Variants in MRPL1 observed in about 807,000 individuals in gnomAD.
MRPL1 encodes the protein large ribosomal subunit protein uL1m.
A neutral mutation model predicts 38.0 loss-of-function variants in MRPL1; 28 were observed. That is an observed-to-expected ratio of 0.74 (90% CI 0.55 to 1.01). The LOEUF is 1.01. Among genes scored for constraint, MRPL1 ranks in the 50% least tolerant of loss-of-function variants. The probability of loss-of-function intolerance (pLI) is 0.00; values close to 1 mark genes in which losing one functional copy is unlikely to be tolerated. For missense variants in MRPL1, 358 were observed against 389.8 expected (o/e 0.92, Z 0.69); for synonymous variants, 123 against 126.7 (o/e 0.97, Z 0.20).
chr4:77,872,616 G>T (rs1280806996), intron 2 of MRPL1, among the ~76,000 whole-genome samples: 1 of 152,158 alleles, frequency 6.6e-6, no homozygotes, highest in Non-Finnish European at 1.5e-5. Flanking sequence ...TGTGATCCCG[G>T]CACTTTGGGA....
intron 7 of MRPL1, among the ~76,000 whole-genome samples, chr4:77,936,274 T>G (rs1171283427): frequency 1.3e-5 from 2 of 152,120 alleles, no homozygotes; most frequent in African/African-American, 4.8e-5. Flanking sequence ...TGCAAAGTAT[T>G]TTAATAGCTG....
At chr4:77,947,870 A>G (rs1465221106) in intron 7 of MRPL1, among the ~76,000 whole-genome samples, 2 of 152,242 alleles carry the variant, frequency 1.3e-5, no homozygotes, top group Non-Finnish European at 2.9e-5. Context: ...AGGGCACAGT[A>G]CTATATATTA....
chr4:77,938,159 A>AT (rs772673374), intron 7 of MRPL1, among the ~76,000 whole-genome samples: 15 of 152,246 alleles, frequency 9.9e-5, no homozygotes, highest in Non-Finnish European at 1.9e-4. Context: ...TTGTTAGAAT[A>AT]TAACTGTGCT....
At chr4:77,869,425 A>G (rs896446164) in intron 1 of MRPL1, among the ~76,000 whole-genome samples, 1 of 152,244 alleles carries the variant, frequency 6.6e-6, no homozygotes, top group African/African-American at 2.4e-5. Context: ...AATTGACTAC[A>G]AAAGGATTGA....
chr4:77,862,892 G>A lies in MRPL1; in HGVS notation c.31+13G>A, dbSNP rs771767532. ...TGCATGGGTAGAGGTAAGGCGAGGGGTTGTCTTGCAGGGGAAATGGCTCTG... is the reference window on the plus strand; with the variant it reads ...TGCATGGGTAGAGGTAAGGCGAGGGATTGTCTTGCAGGGGAAATGGCTCTG... On this transcript the variant is annotated intron_variant, in intron 1 of 8. Coordinates refer to ENST00000315567, the MANE Select transcript of MRPL1 (RefSeq NM_020236.4). 1 of 1,614,146 alleles carries A rather than the reference G, an allele frequency of 6.2e-7. No homozygotes were observed. Among genetic ancestry groups the A allele is most frequent in the Non-Finnish European group, 8.5e-7 (1 of 1,180,002 alleles).
chr4:77,940,979 G>A (rs1370882321), intron 7 of MRPL1, among the ~76,000 whole-genome samples: 5 of 152,068 alleles, frequency 3.3e-5, no homozygotes, highest in African/African-American at 1.2e-4. Flanking sequence ...CTATAGGCTG[G>A]GTGCAGTGGC....
At chr4:77,897,498 G>A (rs865916025) in intron 6 of MRPL1, among the ~76,000 whole-genome samples, 3 of 152,136 alleles carry the variant, frequency 2.0e-5, no homozygotes, top group South Asian at 4.1e-4. Context: ...GGTAAGAAAG[G>A]GACATGATTA....
At chr4:77,911,965 A>G (rs577416928) in intron 7 of MRPL1, among the ~76,000 whole-genome samples, 3 of 152,356 alleles carry the variant, frequency 2.0e-5, no homozygotes, top group South Asian at 2.1e-4. Flanking sequence ...ACAGTTCACC[A>G]TATTAAGAAA....
At chr4:77,881,083 G>A (rs899176263) in intron 2 of MRPL1, among the ~76,000 whole-genome samples, 1 of 152,234 alleles carries the variant, frequency 6.6e-6, no homozygotes, top group African/African-American at 2.4e-5. Flanking sequence ...CCTAAGCATA[G>A]AGCAGGGAAA....
chr4:77,896,316 G>T (rs1158247663), intron 6 of MRPL1, among the ~76,000 whole-genome samples: 1 of 151,692 alleles, frequency 6.6e-6, no homozygotes, highest in Non-Finnish European at 1.5e-5. Flanking sequence ...ATAATGAATT[G>T]CAACTTCACA....
At chr4:77,913,557 G>T (rs959888425) in intron 7 of MRPL1, among the ~76,000 whole-genome samples, 1 of 152,196 alleles carries the variant, frequency 6.6e-6, no homozygotes, top group African/African-American at 2.4e-5. Flanking sequence ...TATGTTAAAT[G>T]ATGCAACCTC....
intron 7 of MRPL1, among the ~76,000 whole-genome samples, chr4:77,913,164 T>C (rs1335604441): frequency 6.6e-6 from 1 of 151,952 alleles, no homozygotes; most frequent in East Asian, 1.9e-4. Flanking sequence ...AAAGAAGAAA[T>C]TGATAAATCA....
chr4:77,894,015 GAAGAA>G (rs762184987), intron 5 of MRPL1, 119 bp from the exon 6 acceptor site: 14 of 630,028 alleles, frequency 2.2e-5, no homozygotes, highest in Non-Finnish European at 3.6e-5. Flanking sequence ...CTTTGTGTTT[GAAGAA>G]AAGAATTGTG....
At chr4:77,870,194 T>C (rs555705287) in intron 1 of MRPL1, among the ~76,000 whole-genome samples, 1 of 152,312 alleles carries the variant, frequency 6.6e-6, no homozygotes, top group South Asian at 2.1e-4. Flanking sequence ...GTGACTGGCC[T>C]TGATTTTTTA....
chr4:77,879,768 G>A (rs1458191251), intron 2 of MRPL1, among the ~76,000 whole-genome samples: 1 of 152,208 alleles, frequency 6.6e-6, no homozygotes, highest in Non-Finnish European at 1.5e-5. Context: ...ATTTTGTGGA[G>A]TACTTCCACG....
chr4:77,937,431 C>A (rs2110262947), intron 7 of MRPL1, among the ~76,000 whole-genome samples: 1 of 152,320 alleles, frequency 6.6e-6, no homozygotes, highest in Admixed American at 6.5e-5. Context: ...CCCCCAGTGC[C>A]TTTTCCAGGC....
chr4:77,946,083 G>A (rs1035206139), intron 7 of MRPL1, among the ~76,000 whole-genome samples: 6 of 152,086 alleles, frequency 3.9e-5, no homozygotes, highest in African/African-American at 9.7e-5. Context: ...AGACCAGGGC[G>A]TATTTCAGTC....
At chr4:77,927,472 A>T (rs962513079) in intron 7 of MRPL1, among the ~76,000 whole-genome samples, 10 of 152,072 alleles carry the variant, frequency 6.6e-5, no homozygotes, top group African/African-American at 2.4e-4. Flanking sequence ...TTTTTATATC[A>T]CAGGACAGAT....
chr4:77,945,160 TTATTATTATTAC>T (rs1396817151), intron 7 of MRPL1, among the ~76,000 whole-genome samples: 106 of 146,256 alleles, frequency 7.2e-4, no homozygotes, highest in African/African-American at 2.4e-3. Flanking sequence ...ATTATTATTA[TTATTATTATTAC>T]TACTACTACT....
Sources: allele counts gnomAD v4.1 joint callset (sites outside exome capture counted in the v4.1 genomes callset), GRCh38; gene constraint gnomAD v4.1.1; transcripts MANE v1.5; gene names NCBI Gene and HGNC (gene_info 2026-07-23, HGNC 2026-07-21).